Variants in PSMC1 observed in about 807,000 individuals in gnomAD.
PSMC1 encodes proteasome 26S subunit, ATPase 1, also known as 26S proteasome regulatory subunit 4.
Under a neutral mutation model 49.8 loss-of-function variants are expected in PSMC1, and 5 were observed. The observed-to-expected ratio is 0.10, with a 90% CI of 0.05 to 0.21. The LOEUF (loss-of-function observed/expected upper bound fraction) is 0.21, where lower values mean the gene tolerates loss of function less well. Among genes scored for constraint, PSMC1 ranks in the 10% least tolerant of loss-of-function variants. The probability of loss-of-function intolerance (pLI) is 1.00; values close to 1 mark genes in which losing one functional copy is unlikely to be tolerated. For missense variants in PSMC1, 181 were observed against 535.7 expected (o/e 0.34, Z 6.54); for synonymous variants, 155 against 192.1 (o/e 0.81, Z 1.60).
At chr14:90,260,281 G>A in intron 3 of PSMC1, 70 bp downstream of exon 3, 3 of 1,126,576 alleles carry the variant, frequency 2.7e-6, no homozygotes, top group Non-Finnish European at 3.9e-6. Context: ...ATGTAGCTTA[G>A]AGTCTGAAAG....
intron 7 of PSMC1, chr14:90,267,958 A>G: frequency 3.0e-6 from 1 of 337,986 alleles, no homozygotes. Context: ...CAAGGTTGGA[A>G]AATAACCAAG....
intron 8 of PSMC1, 172 bp downstream of exon 8, chr14:90,268,585 A>G (rs1217494614): frequency 9.4e-6 from 6 of 636,336 alleles, no homozygotes; most frequent in Admixed American, 6.0e-5. Flanking sequence ...ACAACTGCCC[A>G]GTAACTGTGA....
chr14:90,269,572 A>G, intron 9 of PSMC1, 24 bp downstream of exon 9: 1 of 1,608,444 alleles, frequency 6.2e-7, no homozygotes, highest in Non-Finnish European at 8.5e-7. Flanking sequence ...TGGTTTCATC[A>G]TGGAGATTAA....
chr14:90,272,156 A>G lies in PSMC1; in HGVS notation c.1189-117A>G. 1 of 1,131,894 alleles carries G rather than the reference A, an allele frequency of 8.8e-7. No homozygotes were observed. The highest frequency in any genetic ancestry group is 1.2e-6 in the Non-Finnish European group (1 of 801,002). 70.1% of individuals were successfully genotyped at this position (1,131,894 alleles called of 1,614,324 possible). The stretch of plus-strand genomic sequence containing the variant: ...CGATCCACCTGCCTCGGCCTCCCAG[A>G]GTGCTGGGATTACAGGTGTGAGCCA... On this transcript the variant is annotated intron_variant, in intron 10 of 10. Transcript: ENST00000261303. This position sits in a 1 kb window ranked among gnomAD's most constrained non-coding sequence, Gnocchi z 4.5.
At chr14:90,260,039 G>A (rs1401929814) in intron 2 of PSMC1, 76 bp from the exon 3 acceptor site, 2 of 858,322 alleles carry the variant, frequency 2.3e-6, no homozygotes, top group Non-Finnish European at 3.5e-6. Flanking sequence ...AATAGATGAT[G>A]GTGGTACAGA....
At position 90,273,106 on chromosome 14, in the gene PSMC1, T is replaced by C. The variant is rs1222599733; in HGVS notation, c.*699T>C. 8 of 152,302 alleles carry C rather than the reference T, an allele frequency of 5.3e-5. No homozygotes were observed. The highest frequency in any genetic ancestry group is 3.9e-4 in the Admixed American group (6 of 15,296). 9.4% of individuals were successfully genotyped at this position (152,302 alleles called of 1,614,324 possible). A position where few individuals can be genotyped will look rare whatever the true frequency, so the allele number is the denominator to read the frequency against. On this transcript the variant is annotated 3_prime_UTR_variant, in exon 11 of 11. Transcript: ENST00000261303. ...CTCCGTCTATTTCCGTCATTTCTCT[T>C]TCTGAACAAATCAGGCCTAAAGCTA...
At chr14:90,268,480 T>C in intron 8 of PSMC1, 67 bp downstream of exon 8, 1 of 1,501,580 alleles carries the variant, frequency 6.7e-7, no homozygotes, top group Non-Finnish European at 9.2e-7. Context: ...CTCTTGAGAA[T>C]GAGCAATCTC....
intron 7 of PSMC1, 23 bp from the exon 8 acceptor site, chr14:90,268,201 T>G (rs1294749315): frequency 6.5e-7 from 1 of 1,544,904 alleles, no homozygotes; most frequent in Non-Finnish European, 8.7e-7. Context: ...CTTTTTTTTT[T>G]TTATCTTTTT....
At chr14:90,271,542 A>G (rs182264167) in intron 10 of PSMC1, 9 of 152,372 alleles carry the variant, frequency 5.9e-5, no homozygotes, top group African/African-American at 2.2e-4. Flanking sequence ...TGCCACTTAC[A>G]GTATCTAACC....
intron 7 of PSMC1, 122 bp downstream of exon 7, chr14:90,265,288 T>C: frequency 1.6e-6 from 1 of 624,312 alleles, no homozygotes; most frequent in Non-Finnish European, 2.7e-6. Flanking sequence ...AAAACAGGGC[T>C]GCTCAACCTT....
Position 90,263,475 on chromosome 14 carries a change from TA to T in PSMC1, c.279+34del, listed in dbSNP as rs766407157. The T allele has an allele frequency of 2.6e-6, 4 of 1,541,262 alleles. No homozygotes were observed. The Admixed American group carries it at 8.7e-5, about 34-fold the overall frequency. Reference sequence around the variant, plus strand: ...GAAAAGTTACTATCATTTTCTTTTTTACAAATTGAATTCTATAAAATTGTCA... The same window carrying T: ...GAAAAGTTACTATCATTTTCTTTTTTCAAATTGAATTCTATAAAATTGTCA... On this transcript the variant is annotated intron_variant, in intron 4 of 10. Transcript: ENST00000261303.
Position 90,263,642 on chromosome 14 carries a change from C to T in PSMC1, c.280-20C>T. On this transcript the variant is annotated intron_variant, in intron 4 of 10. Transcript: ENST00000261303. ...TTTGAGGTCTAGTCTGCTTTTTTCCCTTGGCATTTTCATATGTAGGAGGAA... is the reference window on the plus strand; with the variant it reads ...TTTGAGGTCTAGTCTGCTTTTTTCCTTTGGCATTTTCATATGTAGGAGGAA... The T allele has an allele frequency of 6.2e-7, 1 of 1,608,258 alleles. No individual in the cohort carries two copies. The highest frequency in any genetic ancestry group is 8.5e-7 in the Non-Finnish European group (1 of 1,177,450).
At chr14:90,259,061 C>A in intron 1 of PSMC1, 99 bp from the exon 2 acceptor site, 2 of 1,063,036 alleles carry the variant, frequency 1.9e-6, no homozygotes, top group Non-Finnish European at 2.6e-6. Flanking sequence ...AGAAATGTTA[C>A]TCACAGGACA....
chr14:90,267,546 A>G (rs115667214), intron 7 of PSMC1: 23,908 of 152,244 alleles, frequency 0.16, 2,182 homozygotes, highest in South Asian at 0.21. Flanking sequence ...GATCAGTGGG[A>G]GGAACTGCCT....
At chr14:90,257,098 T>C (rs1384951161) in intron 1 of PSMC1, among the ~76,000 whole-genome samples, 1 of 152,152 alleles carries the variant, frequency 6.6e-6, no homozygotes, top group Non-Finnish European at 1.5e-5. Flanking sequence ...AAGACGTTGT[T>C]ATGACAGGCG....
rs1332689840 is a variant in PSMC1, at chr14:90,275,178, CAGA to C, written c.*2774_*2776del. On this transcript the variant is annotated 3_prime_UTR_variant, in exon 11 of 11. Coordinates refer to ENST00000261303, the MANE Select transcript of PSMC1 (RefSeq NM_002802.3). ...TCTTGGAAGTCAAAAAGCTTCCAAT[CAGA>C]AGGAGACCAAAGAGATGACAACCAA... is the stretch of plus-strand genomic sequence containing the variant. 4 of 152,150 alleles carry C rather than the reference CAGA, an allele frequency of 2.6e-5. No individual in the cohort carries two copies. Among genetic ancestry groups the C allele is most frequent in the South Asian group, 2.1e-4 (1 of 4,822 alleles). The allele number at this position is 152,150 out of a possible 1,614,324, so 9.4% of individuals were successfully genotyped here.
intron 7 of PSMC1, among the ~76,000 whole-genome samples, chr14:90,267,225 G>C (rs1891541015): frequency 1.3e-5 from 2 of 151,858 alleles, no homozygotes; most frequent in Admixed American, 1.3e-4. Context: ...CGCCTCCCGG[G>C]TTCAAGCGAT....
At chr14:90,267,104 C>T (rs1036788804) in intron 7 of PSMC1, among the ~76,000 whole-genome samples, 1 of 151,992 alleles carries the variant, frequency 6.6e-6, no homozygotes, top group Admixed American at 6.6e-5. Context: ...TCAAGTTGGG[C>T]ACTCTTTGCT....
At position 90,263,410 on chromosome 14, in the gene PSMC1, G is replaced by C. The variant is rs1891439991; in HGVS notation, c.247G>C (p.Glu83Gln). 3 of 1,587,730 alleles carry C rather than the reference G, an allele frequency of 1.9e-6. No individual in the cohort carries two copies. The highest frequency in any genetic ancestry group is 1.7e-6 in the Non-Finnish European group (2 of 1,170,656). ...GGAGGAAGAATTCATTAGAAATCAG[G>C]AACAAATGAAACCATTAGAAGAAAA... ...LMEEEFIRNQEQMKPLEEKQE... is the reference protein window; with the variant it reads ...LMEEEFIRNQQQMKPLEEKQE... Residue 83 changes from glutamate (E) to glutamine (Q), a missense_variant, in exon 4 of 11, where the codon GAA becomes CAA. Physicochemically the swap from Glu to Gln is conservative, Grantham distance 29. Around this residue, in one of 3 missense-constraint regions of PSMC1, gnomAD observed 121 missense variants for 358.6 expected, o/e 0.34. Transcript: ENST00000261303.
Sources: allele counts gnomAD v4.1 joint callset (sites outside exome capture counted in the v4.1 genomes callset), GRCh38; gene constraint gnomAD v4.1.1; regional missense constraint gnomAD v4.1.1; non-coding constraint Gnocchi (gnomAD v3.1); transcripts MANE v1.5; gene names NCBI Gene and HGNC (gene_info 2026-07-23, HGNC 2026-07-21).